The following CCDC171 variants were observed in gnomAD, a reference collection of about 807,000 sequenced individuals.
CCDC171 encodes the protein coiled-coil domain-containing protein 171.
CCDC171 carries 177 observed loss-of-function variants against 168.2 expected under a neutral mutation model. The ratio of observed to expected loss-of-function variants is 1.05; its 90% CI spans 0.93 to 1.19. CCDC171 has a LOEUF of 1.19. Ranked by LOEUF, CCDC171 falls within the 50% of genes most tolerant of loss-of-function variation. CCDC171 has a pLI of 0.00. For missense variants in CCDC171, 1,991 were observed against 1,539.0 expected (o/e 1.29, Z -4.91); for synonymous variants, 687 against 540.8 (o/e 1.27, Z -3.75).
chr9:15,660,620 G>A lies in CCDC171; in HGVS notation c.915+3401G>A, dbSNP rs551460704. ...AATTTGCTTAGGATAAGGGCTTCCA[G>A]CTGCATCCATGTTGTAGCATAGGAC... On this transcript the variant is annotated intron_variant, in intron 8 of 25. Coordinates refer to ENST00000380701, the MANE Select transcript of CCDC171 (RefSeq NM_173550.4). Among the ~76,000 whole-genome samples, 138 of 152,250 alleles carry A rather than the reference G, an allele frequency of 9.1e-4. 2 individuals are homozygous for A. The South Asian group carries it at 0.027, about 30-fold the overall frequency.
the CCDC171 span, among the ~76,000 whole-genome samples, chr9:16,103,675 C>T: frequency 1.3e-5 from 2 of 152,164 alleles, no homozygotes; most frequent in Non-Finnish European, 1.5e-5. Context: ...GATGTGAGCT[C>T]AGCAAGGGGC....
intron 7 of CCDC171, among the ~76,000 whole-genome samples, chr9:15,628,520 G>C (rs2045372041): frequency 6.6e-6 from 1 of 152,232 alleles, no homozygotes; most frequent in Non-Finnish European, 1.5e-5. Flanking sequence ...AAACAAAGCA[G>C]CTGGGAAGCT....
chr9:15,792,103 A>G (rs139652231), intron 21 of CCDC171, among the ~76,000 whole-genome samples: 150 of 152,362 alleles, frequency 9.8e-4, no homozygotes, highest in African/African-American at 3.5e-3. Context: ...GCTAACTAGA[A>G]TAACCAATGC....
At chr9:15,680,583 T>C (rs1311941513) in intron 10 of CCDC171, among the ~76,000 whole-genome samples, 1 of 152,228 alleles carries the variant, frequency 6.6e-6, no homozygotes, top group Non-Finnish European at 1.5e-5. Flanking sequence ...AGATGTTTGC[T>C]GTGTTCTGAT....
intron 18 of CCDC171, among the ~76,000 whole-genome samples, chr9:15,747,427 G>A (rs1473573337): frequency 2.0e-5 from 3 of 152,162 alleles, no homozygotes; most frequent in African/African-American, 7.2e-5. Flanking sequence ...TCCTCAAGTG[G>A]GTCCCTGACC....
chr9:15,679,419 GCTT>G (rs1353413809), intron 10 of CCDC171, among the ~76,000 whole-genome samples: 1 of 152,114 alleles, frequency 6.6e-6, no homozygotes, highest in African/African-American at 2.4e-5. Flanking sequence ...ATAACGGCCA[GCTT>G]CTTGTTGTAT....
chr9:15,947,458 C>G (rs1185093681), intron 25 of CCDC171, among the ~76,000 whole-genome samples: 1 of 151,910 alleles, frequency 6.6e-6, no homozygotes, highest in Non-Finnish European at 1.5e-5. Context: ...CAGTATTTGT[C>G]TTTTCGTGCA....
chr9:15,664,354 T>A (rs1030421564), intron 8 of CCDC171, among the ~76,000 whole-genome samples: 27 of 152,134 alleles, frequency 1.8e-4, no homozygotes, highest in Non-Finnish European at 2.9e-5. Flanking sequence ...GCTCAAGTGA[T>A]CTGCCCGCCT....
chr9:15,597,796 G>A (rs2042493070), intron 6 of CCDC171, among the ~76,000 whole-genome samples: 2 of 152,074 alleles, frequency 1.3e-5, no homozygotes, highest in African/African-American at 4.8e-5. Flanking sequence ...TGGTTGGTAA[G>A]CTATTAATTA....
intron 1 of CCDC171, among the ~76,000 whole-genome samples, chr9:16,046,327 A>G (rs1017705318): frequency 3.3e-5 from 5 of 152,266 alleles, no homozygotes; most frequent in African/African-American, 1.2e-4. Context: ...AGTGGCTGCC[A>G]GGCTTTTTGA....
chr9:15,946,808 T>C (rs1389033033), intron 25 of CCDC171, among the ~76,000 whole-genome samples: 1 of 152,088 alleles, frequency 6.6e-6, no homozygotes, highest in African/African-American at 2.4e-5. Context: ...TTGAATTAGA[T>C]GCCTTTTGAT....
At chr9:15,813,974 G>A (rs999587985) in intron 21 of CCDC171, among the ~76,000 whole-genome samples, 3 of 152,082 alleles carry the variant, frequency 2.0e-5, no homozygotes, top group Admixed American at 1.3e-4. Flanking sequence ...TTTAGAATAG[G>A]GACCTGTGAT....
At chr9:15,562,097 C>T (rs865901375) in intron 1 of CCDC171, among the ~76,000 whole-genome samples, 4 of 152,018 alleles carry the variant, frequency 2.6e-5, no homozygotes, top group African/African-American at 4.8e-5. Context: ...TGGGTTCAAG[C>T]GATTCTCCTA....
At chr9:15,743,341 T>A (rs893985962) in intron 16 of CCDC171, among the ~76,000 whole-genome samples, 1 of 151,786 alleles carries the variant, frequency 6.6e-6, no homozygotes, top group Non-Finnish European at 1.5e-5. Context: ...TAATTTTTTT[T>A]ATTTTTTATT....
At chr9:15,875,215 A>G (rs1817685643) in intron 24 of CCDC171, 1 of 152,056 alleles carries the variant, frequency 6.6e-6, no homozygotes, top group Non-Finnish European at 1.5e-5. Flanking sequence ...AGTTTTAGTG[A>G]ACATTGTAAG....
chr9:15,675,190 T>TG (rs1564188369), intron 9 of CCDC171, among the ~76,000 whole-genome samples: 1 of 138,796 alleles, frequency 7.2e-6, no homozygotes, highest in East Asian at 2.0e-4. Context: ...AACTCCTGTT[T>TG]TTTTTTTTTT....
chr9:16,054,307 G>A (rs1833798472), intron 1 of CCDC171, among the ~76,000 whole-genome samples: 1 of 152,202 alleles, frequency 6.6e-6, no homozygotes, highest in Non-Finnish European at 1.5e-5. Context: ...TTGCTACATT[G>A]TGACAGAGGC....
intron 4 of CCDC171, among the ~76,000 whole-genome samples, chr9:15,588,958 C>T (rs1489726145): frequency 6.6e-6 from 1 of 151,988 alleles, no homozygotes; most frequent in Non-Finnish European, 1.5e-5. Flanking sequence ...GATCCGCCTG[C>T]CTCGGCCTCC....
At chr9:16,046,078 C>G (rs1030444829) in intron 1 of CCDC171, among the ~76,000 whole-genome samples, 7 of 152,178 alleles carry the variant, frequency 4.6e-5, no homozygotes, top group Admixed American at 4.6e-4. Flanking sequence ...CCCATAGACA[C>G]AGTTATTGAG....
Sources: gnomAD v4.1 joint callset for allele counts (sites outside exome capture counted in the v4.1 genomes callset) on GRCh38, gnomAD v4.1.1 for gene constraint, MANE v1.5 for transcripts, NCBI Gene and HGNC (gene_info 2026-07-23, HGNC 2026-07-21) for gene names.